STK32B: variants seen among roughly 807,000 people sequenced by gnomAD.
STK32B encodes the protein serine/threonine kinase 32B.
A neutral mutation model predicts 52.6 loss-of-function variants in STK32B; 43 were observed. That is an observed-to-expected ratio of 0.82 (90% CI 0.64 to 1.05). The LOEUF is 1.05. Ranked by LOEUF, STK32B falls within the 50% of genes least tolerant of loss-of-function variation. The pLI, the probability that STK32B is intolerant of heterozygous loss-of-function variation, is 0.00. For synonymous variants in STK32B, 238 were observed against 204.3 expected (o/e 1.17, Z -1.41); for missense variants, 621 against 534.6 (o/e 1.16, Z -1.59).
chr4:5,227,491 A>G (rs1723958436), intron 3 of STK32B, among the ~76,000 whole-genome samples: 1 of 152,224 alleles, frequency 6.6e-6, no homozygotes, highest in African/African-American at 2.4e-5. Flanking sequence ...AAAGCTGTCT[A>G]ATTCATATGA....
intron 9 of STK32B, among the ~76,000 whole-genome samples, chr4:5,462,386 CTG>C (rs932066506): frequency 5.4e-5 from 8 of 147,958 alleles, no homozygotes; most frequent in East Asian, 1.9e-4. Context: ...GCCTGTGCAT[CTG>C]TGTGTGTGTG....
chr4:5,403,641 C>T (rs1189417290), intron 5 of STK32B, among the ~76,000 whole-genome samples: 1 of 152,188 alleles, frequency 6.6e-6, no homozygotes, highest in Non-Finnish European at 1.5e-5. Flanking sequence ...CTGTTGCTAA[C>T]ATATTTGTTG....
intron 3 of STK32B, among the ~76,000 whole-genome samples, chr4:5,305,493 G>T (rs901806543): frequency 2.0e-5 from 3 of 152,000 alleles, no homozygotes; most frequent in Non-Finnish European, 2.9e-5. Context: ...TGTGTGTAAA[G>T]GTGTTCATAG....
At chr4:5,482,098 G>A (rs1394657670) in intron 11 of STK32B, among the ~76,000 whole-genome samples, 1 of 152,192 alleles carries the variant, frequency 6.6e-6, no homozygotes, top group African/African-American at 2.4e-5. Context: ...GAACTTTAAA[G>A]TAGTTTTTTC....
intron 3 of STK32B, among the ~76,000 whole-genome samples, chr4:5,176,460 T>TTC (rs1553845036): frequency 4.9e-5 from 7 of 143,280 alleles, no homozygotes; most frequent in Admixed American, 1.4e-4. Context: ...TTTTTTTTTT[T>TTC]AAGATGGAGT....
chr4:5,221,023 T>C (rs7673520), intron 3 of STK32B, among the ~76,000 whole-genome samples: 2,367 of 152,272 alleles, frequency 0.016, 65 homozygotes, highest in African/African-American at 0.054. Flanking sequence ...TTAGTGTCCT[T>C]TGCCTTTTAG....
At chr4:5,198,249 C>G (rs987585240) in intron 3 of STK32B, among the ~76,000 whole-genome samples, 2 of 152,184 alleles carry the variant, frequency 1.3e-5, no homozygotes, top group Non-Finnish European at 2.9e-5. Flanking sequence ...AGCCAACACT[C>G]TATCAAAAAA....
chr4:5,202,297 G>T (rs2108776610), intron 3 of STK32B, among the ~76,000 whole-genome samples: 1 of 152,358 alleles, frequency 6.6e-6, no homozygotes, highest in Admixed American at 6.5e-5. Context: ...CTGTTACAAA[G>T]GTTGGGCTCC....
intron 9 of STK32B, 37 bp from the exon 10 acceptor site, chr4:5,466,666 G>A (rs370222117): frequency 3.3e-5 from 53 of 1,590,966 alleles, no homozygotes; most frequent in African/African-American, 2.3e-4. Flanking sequence ...TGGGTGGAAC[G>A]CAGACAGACC....
At chr4:5,263,394 C>A (rs1421971684) in intron 3 of STK32B, among the ~76,000 whole-genome samples, 2 of 152,204 alleles carry the variant, frequency 1.3e-5, no homozygotes, top group African/African-American at 2.4e-5. Flanking sequence ...GGTGTCATCC[C>A]ATGTGTTCCC....
Position 5,500,373 on chromosome 4 carries a change from CTTTT to C in STK32B, c.*1293_*1296del, listed in dbSNP as rs1396540104. The C allele has an allele frequency of 6.6e-6, 1 of 152,150 alleles. No homozygotes were observed. The highest frequency in any genetic ancestry group is 1.5e-5 in the Non-Finnish European group (1 of 68,026). 9.4% of individuals were successfully genotyped at this position (152,150 alleles called of 1,614,324 possible). On this transcript the variant is annotated 3_prime_UTR_variant, in exon 12 of 12. Transcript: ENST00000282908. ...AGCATTGGATGACTCATAGAATGGC[CTTTT>C]TTGTCAGCATAATCGTCATCATTAT...
intron 11 of STK32B, among the ~76,000 whole-genome samples, chr4:5,496,508 C>G (rs554008950): frequency 6.6e-6 from 1 of 150,826 alleles, no homozygotes; most frequent in African/African-American, 2.5e-5. Context: ...AAAGGGAACT[C>G]CCTGACCCCT....
intron 3 of STK32B, among the ~76,000 whole-genome samples, chr4:5,197,043 C>G (rs889261411): frequency 6.6e-6 from 1 of 152,204 alleles, no homozygotes. Flanking sequence ...TAGAAATGGT[C>G]TTCACCTTCA....
At chr4:5,026,011 C>G in the STK32B span, among the ~76,000 whole-genome samples, 1 of 152,204 alleles carries the variant, frequency 6.6e-6, no homozygotes, top group African/African-American at 2.4e-5. Flanking sequence ...GCCTCCCTTC[C>G]AGGCCTCCAC....
At chr4:5,423,741 A>G (rs1712837336) in intron 6 of STK32B, among the ~76,000 whole-genome samples, 1 of 152,128 alleles carries the variant, frequency 6.6e-6, no homozygotes, top group South Asian at 2.1e-4. Flanking sequence ...GTCAGTGCTC[A>G]CCAAATGTCA....
Position 5,398,341 on chromosome 4 carries a change from A to C in STK32B, c.472+97A>C. ...TGGGGGTTGGGTCTTGCTGAGTTGG[A>C]CATTAGCATTGGCTAGAAACCTTCT... On this transcript the variant is annotated intron_variant, in intron 5 of 11. Transcript: ENST00000282908. This position sits in a 1 kb window ranked among gnomAD's most constrained non-coding sequence, Gnocchi z 4.9. 1 of 1,298,992 alleles carries C rather than the reference A, an allele frequency of 7.7e-7. No individual in the cohort carries two copies. The highest frequency in any genetic ancestry group is 1.3e-5 in the South Asian group (1 of 78,258). 80.5% of individuals were successfully genotyped at this position (1,298,992 alleles called of 1,614,324 possible).
Position 5,092,294 on chromosome 4 carries a change from G to T in STK32B, c.52+40379G>T, listed in dbSNP as rs12163793. On this transcript the variant is annotated intron_variant, in intron 1 of 11. Coordinates refer to ENST00000282908, the MANE Select transcript of STK32B (RefSeq NM_018401.3). ...CGCCTGTAATCCCAGCACTTCGGGA[G>T]GCCGAGGCGGGCAGATCACCTGAGG... Among the ~76,000 whole-genome samples, 15 of 152,324 alleles carry T rather than the reference G, an allele frequency of 9.8e-5. No homozygotes were observed. In the East Asian group the frequency reaches 2.9e-3, roughly 29 times the overall value.
chr4:5,479,515 C>CA (rs1430976145), intron 11 of STK32B, among the ~76,000 whole-genome samples: 7 of 152,104 alleles, frequency 4.6e-5, no homozygotes, highest in African/African-American at 1.7e-4. Context: ...GACCTAAGGC[C>CA]AGTGGAGGTG....
At chr4:5,393,818 C>G (rs950015712) in intron 4 of STK32B, among the ~76,000 whole-genome samples, 1 of 152,130 alleles carries the variant, frequency 6.6e-6, no homozygotes, top group Non-Finnish European at 1.5e-5. Flanking sequence ...CCCAGGGCAG[C>G]GTTCTCCTGT....
Sources: allele counts gnomAD v4.1 joint callset (sites outside exome capture counted in the v4.1 genomes callset), GRCh38; gene constraint gnomAD v4.1.1; non-coding constraint Gnocchi (gnomAD v3.1); transcripts MANE v1.5; gene names NCBI Gene and HGNC (gene_info 2026-07-23, HGNC 2026-07-21).